The following CTNNA2 variants were observed in gnomAD, a reference collection of about 807,000 sequenced individuals.
The protein encoded by CTNNA2 is catenin alpha 2, also known as catenin alpha-2.
Under a neutral mutation model 101.0 loss-of-function variants are expected in CTNNA2, and 42 were observed. That is an observed-to-expected ratio of 0.42 (90% CI 0.32 to 0.54). The LOEUF (loss-of-function observed/expected upper bound fraction) is 0.54. CTNNA2 is among the 20% of genes least tolerant of loss of function. The pLI is 0.14. For missense variants in CTNNA2, 871 were observed against 1,223.1 expected, an observed-to-expected ratio of 0.71 and a Z score of 4.29; for synonymous variants, 450 against 456.4, an observed-to-expected ratio of 0.99 and a Z score of 0.18.
intron 6 of CTNNA2, among the ~76,000 whole-genome samples, chr2:79,884,410 G>T (rs1393243889): frequency 6.6e-6 from 1 of 152,012 alleles, no homozygotes; most frequent in Non-Finnish European, 1.5e-5. Context: ...GTTCCTCCCT[G>T]CTCCTCAGGC....
chr2:79,774,526 A>G (rs1400929040), intron 3 of CTNNA2, among the ~76,000 whole-genome samples: 1 of 152,298 alleles, frequency 6.6e-6, no homozygotes, highest in African/African-American at 2.4e-5. Context: ...CTGGGCCAGG[A>G]GTGGAGTCAC....
Position 79,977,055 on chromosome 2 carries a change from A to G in CTNNA2, c.1056+67258A>G, listed in dbSNP as rs546211824. ...GACTTTCTGATTCACACAGAGCTTG[A>G]AACTTAAATGTTCTACATATATTTA... On this transcript the variant is annotated intron_variant, in intron 7 of 18. Coordinates refer to ENST00000402739, the MANE Select transcript of CTNNA2 (RefSeq NM_001282597.3). Among the ~76,000 whole-genome samples, 24 of 152,294 alleles carry G rather than the reference A, an allele frequency of 1.6e-4. No individual in the cohort carries two copies. In the East Asian group the frequency reaches 3.7e-3, roughly 23 times the overall value.
chr2:79,226,535 G>A (rs1019550567), intron 2 of CTNNA2, among the ~76,000 whole-genome samples: 4 of 152,114 alleles, frequency 2.6e-5, no homozygotes, highest in East Asian at 3.8e-4. Context: ...TCAGATATTC[G>A]AGCAGATATA....
chr2:80,353,128 G>C (rs1047406296), intron 7 of CTNNA2, among the ~76,000 whole-genome samples: 3 of 151,922 alleles, frequency 2.0e-5, no homozygotes, highest in Non-Finnish European at 2.9e-5. Flanking sequence ...CTTTATCATG[G>C]CCAGAGCGAT....
intron 7 of CTNNA2, among the ~76,000 whole-genome samples, chr2:80,259,846 C>T (rs746477354): frequency 6.6e-6 from 1 of 152,168 alleles, no homozygotes; most frequent in African/African-American, 2.4e-5. Flanking sequence ...ACGAATACTT[C>T]CCCTGTCTAA....
intron 2 of CTNNA2, among the ~76,000 whole-genome samples, chr2:79,740,679 C>T (rs1671228606): frequency 1.3e-5 from 2 of 152,092 alleles, no homozygotes; most frequent in African/African-American, 2.4e-5. Flanking sequence ...AGAATAAATA[C>T]ATTTTAAGAT....
chr2:80,201,434 T>C (rs1707204997), intron 7 of CTNNA2, among the ~76,000 whole-genome samples: 1 of 140,050 alleles, frequency 7.1e-6, no homozygotes, highest in Non-Finnish European at 1.5e-5. Flanking sequence ...AGTGCAGTGG[T>C]GCAAACTCGG....
chr2:80,295,247 G>A (rs1284721930), intron 7 of CTNNA2, among the ~76,000 whole-genome samples: 1 of 149,884 alleles, frequency 6.7e-6, no homozygotes, highest in Non-Finnish European at 1.5e-5. Context: ...TTTGTGGGTA[G>A]GGGGCTACCT....
intron 7 of CTNNA2, among the ~76,000 whole-genome samples, chr2:80,253,497 C>T (rs2149109888): frequency 6.6e-6 from 1 of 152,152 alleles, no homozygotes; most frequent in East Asian, 1.9e-4. Context: ...TGCCTGTCCT[C>T]ATCTTCCTTA....
intron 1 of CTNNA2, among the ~76,000 whole-genome samples, chr2:79,586,443 A>T (rs1676491035): frequency 6.6e-6 from 1 of 151,430 alleles, no homozygotes; most frequent in Non-Finnish European, 1.5e-5. Flanking sequence ...CCAGTGTTTT[A>T]TGCCCTATTT....
chr2:80,200,919 C>T (rs1707165878), intron 7 of CTNNA2, among the ~76,000 whole-genome samples: 1 of 151,570 alleles, frequency 6.6e-6, no homozygotes. Context: ...ATCCATGATA[C>T]CTGAGGAAGT....
chr2:79,446,243 A>G (rs574587660), intron 4 of CTNNA2, among the ~76,000 whole-genome samples: 1 of 152,124 alleles, frequency 6.6e-6, no homozygotes, highest in Admixed American at 6.6e-5. Context: ...AAAAAAAAAG[A>G]ACTATTTTGT....
chr2:80,245,894 A>T (rs1671293673), intron 7 of CTNNA2, among the ~76,000 whole-genome samples: 1 of 129,096 alleles, frequency 7.7e-6, no homozygotes, highest in South Asian at 2.5e-4. Context: ...TTCCGGATTC[A>T]CGCCATTCTC....
chr2:79,495,158 A>T (rs1671243331), intron 4 of CTNNA2, among the ~76,000 whole-genome samples: 2 of 152,176 alleles, frequency 1.3e-5, no homozygotes, highest in South Asian at 4.1e-4. Context: ...TTTGCGCTGC[A>T]AATGACACCA....
At chr2:79,570,742 T>G (rs1366230506) in intron 1 of CTNNA2, among the ~76,000 whole-genome samples, 1 of 152,108 alleles carries the variant, frequency 6.6e-6, no homozygotes, top group Admixed American at 6.6e-5. Flanking sequence ...AGAAAACAGA[T>G]TCAGAGATCA....
chr2:79,636,652 T>C (rs1486061037), intron 1 of CTNNA2, among the ~76,000 whole-genome samples: 1 of 152,162 alleles, frequency 6.6e-6, no homozygotes, highest in Non-Finnish European at 1.5e-5. Flanking sequence ...GTGTGATCAT[T>C]ATGTAACTAG....
intron 2 of CTNNA2, among the ~76,000 whole-genome samples, chr2:79,199,084 T>C (rs1160400002): frequency 6.6e-6 from 1 of 152,242 alleles, no homozygotes; most frequent in Non-Finnish European, 1.5e-5. Flanking sequence ...TGCATCATTA[T>C]CAGTTATCTA....
chr2:79,949,337 T>C (rs1429011649), intron 7 of CTNNA2, among the ~76,000 whole-genome samples: 2 of 152,240 alleles, frequency 1.3e-5, no homozygotes, highest in African/African-American at 4.8e-5. Context: ...ATACTTCAAA[T>C]GAAACAGGAA....
chr2:79,446,254 A>G (rs1678831819), intron 4 of CTNNA2, among the ~76,000 whole-genome samples: 1 of 152,040 alleles, frequency 6.6e-6, no homozygotes, highest in Non-Finnish European at 1.5e-5. Flanking sequence ...ACTATTTTGT[A>G]CGCCAATAAA....
Sources: allele counts gnomAD v4.1 joint callset (sites outside exome capture counted in the v4.1 genomes callset), GRCh38; gene constraint gnomAD v4.1.1; transcripts MANE v1.5; gene names NCBI Gene and HGNC (gene_info 2026-07-23, HGNC 2026-07-21).